Variants in SH3PXD2B observed in about 807,000 individuals in gnomAD.
SH3PXD2B encodes the protein SH3 and PX domains 2B, also known as SH3 and PX domain-containing protein 2B.
In SH3PXD2B, 37 loss-of-function variants were observed where a neutral mutation model predicts 73.1. The ratio of observed to expected loss-of-function variants is 0.51; its 90% confidence interval spans 0.39 to 0.67. The LOEUF is 0.67. Ranked by LOEUF, SH3PXD2B falls within the 30% of genes least tolerant of loss-of-function variation. SH3PXD2B has a pLI of 0.00. For synonymous variants in SH3PXD2B, 457 were observed against 480.5 expected (o/e 0.95, Z 0.64); for missense variants, 1,053 against 1,197.8 (o/e 0.88, Z 1.78).
Position 172,405,048 on chromosome 5 carries a change from T to G in SH3PXD2B, c.232+1229A>C, listed in dbSNP as rs146437485. Among the ~76,000 whole-genome samples, 192 of 152,346 alleles carry G rather than the reference T, an allele frequency of 1.3e-3. 1 individual carries two copies. The highest frequency in any genetic ancestry group is 2.4e-3 in the Non-Finnish European group (162 of 68,026). On this transcript the variant is annotated intron_variant, in intron 3 of 12. Coordinates refer to ENST00000311601, the MANE Select transcript of SH3PXD2B (RefSeq NM_001017995.3). ...AAAGCACTGAGTGACTGGCCCACAG[T>G]AGGGAGCTATTATTATACTTGAAGC...
intron 6 of SH3PXD2B, among the ~76,000 whole-genome samples, 176 bp downstream of exon 6, chr5:172,373,614 A>ATCCATCCATCCATCCG (rs1338980429): frequency 6.6e-6 from 1 of 151,712 alleles, no homozygotes; most frequent in Non-Finnish European, 1.5e-5. Flanking sequence ...CCATCCATCC[A>ATCCATCCATCCATCCG]TCCATCCCTC....
chr5:172,451,059 G>A (rs1759785365), intron 1 of SH3PXD2B, among the ~76,000 whole-genome samples: 1 of 152,226 alleles, frequency 6.6e-6, no homozygotes, highest in Non-Finnish European at 1.5e-5. Flanking sequence ...CTGGGCCCAT[G>A]GATGATGTCT....
intron 8 of SH3PXD2B, among the ~76,000 whole-genome samples, chr5:172,355,401 A>C (rs1185325304): frequency 2.0e-5 from 3 of 152,150 alleles, no homozygotes; most frequent in African/African-American, 7.2e-5. Flanking sequence ...GGAGGGAAGA[A>C]TCCAACCCCA....
Position 172,405,761 on chromosome 5 carries a change from G to A in SH3PXD2B, c.232+516C>T, listed in dbSNP as rs139045256. ...CCACAGACCTGTGAGGTAACACATG[G>A]GTGTTTTAAGCTATTAAATTGGTGG... On this transcript the variant is annotated intron_variant, in intron 3 of 12. Coordinates refer to ENST00000311601, the MANE Select transcript of SH3PXD2B (RefSeq NM_001017995.3). Among the ~76,000 whole-genome samples, 361 of 152,242 alleles carry A rather than the reference G, an allele frequency of 2.4e-3. 1 individual carries two copies. The highest frequency in any genetic ancestry group is 8.3e-3 in the African/African-American group (346 of 41,538).
At chr5:172,344,229 T>C (rs1056547260) in intron 12 of SH3PXD2B, among the ~76,000 whole-genome samples, 2 of 152,132 alleles carry the variant, frequency 1.3e-5, no homozygotes, top group Non-Finnish European at 2.9e-5. Context: ...GCTAAGATAA[T>C]GTTGCAATGA....
chr5:172,346,299 G>A (rs777165314), intron 11 of SH3PXD2B, 38 bp from the exon 12 acceptor site: 4 of 1,612,428 alleles, frequency 2.5e-6, no homozygotes, highest in Non-Finnish European at 3.4e-6. Flanking sequence ...CCAAGGCTAA[G>A]TGCACTCCTG....
chr5:172,404,355 T>TGAAGTGGTGCAATCTC (rs1758505224), intron 3 of SH3PXD2B, among the ~76,000 whole-genome samples: 1 of 152,122 alleles, frequency 6.6e-6, no homozygotes, highest in Non-Finnish European at 1.5e-5. Context: ...TCACCCAGGC[T>TGAAGTGGTGCAATCTC]GAAGTGGTGC....
At chr5:172,423,539 C>T (rs1262302417) in intron 1 of SH3PXD2B, among the ~76,000 whole-genome samples, 2 of 61,886 alleles carry the variant, frequency 3.2e-5, no homozygotes, top group East Asian at 1.1e-3. Context: ...CACTTGGATA[C>T]GGGGTTGGGG....
At position 172,338,760 on chromosome 5, in the gene SH3PXD2B, T is replaced by G. The variant is rs373458298; in HGVS notation, c.2345A>C (p.Gln782Pro). The change falls in exon 13 of 13, where the codon CAG becomes CCG. Residue 782 changes from glutamine to proline, a missense_variant. This residue lies in a region of SH3PXD2B where 587 missense variants were observed against 590.7 expected (regional missense o/e 0.99). Transcript: ENST00000311601. This position sits in a 1 kb window ranked among gnomAD's most constrained non-coding sequence, Gnocchi z 5.1. Reference sequence around the variant, plus strand: ...TGCCCTGCTTTCGTGGCCTTCACACTGTGGACCTCTGACCTCTGGGAGCGG... The same window carrying G: ...TGCCCTGCTTTCGTGGCCTTCACACGGTGGACCTCTGACCTCTGGGAGCGG... ...SRPLPEVRGP[Q>P]CEGHESRAAP... The G allele has an allele frequency of 6.2e-7, 1 of 1,614,072 alleles. No individual in the cohort carries two copies. The highest frequency in any genetic ancestry group is 1.3e-5 in the African/African-American group (1 of 74,924).
At chr5:172,452,774 C>T (rs563531716) in intron 1 of SH3PXD2B, among the ~76,000 whole-genome samples, 66 of 152,020 alleles carry the variant, frequency 4.3e-4, no homozygotes, top group African/African-American at 1.5e-3. Context: ...GCCAAAGAGG[C>T]AAACTCACTT....
chr5:172,348,657 A>G (rs370503139), intron 10 of SH3PXD2B, among the ~76,000 whole-genome samples: 8 of 37,426 alleles, frequency 2.1e-4, no homozygotes, highest in African/African-American at 6.4e-4. Flanking sequence ...TATCTATCCT[A>G]TCTATCTATC....
chr5:172,376,347 C>T (rs1483958235), intron 5 of SH3PXD2B, among the ~76,000 whole-genome samples: 2 of 152,098 alleles, frequency 1.3e-5, no homozygotes, highest in African/African-American at 4.8e-5. Flanking sequence ...TTCTTGATTA[C>T]AGCCATTCTA....
intron 7 of SH3PXD2B, among the ~76,000 whole-genome samples, chr5:172,361,165 CTGTGTA>C (rs1399476486): frequency 7.2e-5 from 11 of 151,802 alleles, no homozygotes; most frequent in Non-Finnish European, 1.3e-4. Context: ...GAATGAGTAC[CTGTGTA>C]TGTGTGAGTG....
In SH3PXD2B at chr5:172,339,728, C is replaced by T. The variant is rs150334817; in HGVS notation, c.1377G>A (p.Thr459=). 1.2e-5 allele frequency: 20 copies of T among 1,614,086 alleles called. No individual in the cohort carries two copies. Among genetic ancestry groups the T allele is most frequent in the African/African-American group, 9.3e-5 (7 of 75,068 alleles). Residue 459 remains threonine (T), a synonymous_variant, in exon 13 of 13, where the codon ACG becomes ACA. Transcript: ENST00000311601. This position sits in a 1 kb window ranked among gnomAD's most constrained non-coding sequence, Gnocchi z 6.1. ...GGGAGGGGCCCGTGGCTTCGCTGCC[C>T]GTGTTGTTCTCCAGCGCTGCTGCTT... ...LGEAAALENN[T]GSEATGPSRP...
intron 12 of SH3PXD2B, among the ~76,000 whole-genome samples, chr5:172,341,668 TGAGACA>T (rs1199201529): frequency 6.6e-6 from 1 of 152,202 alleles, no homozygotes; most frequent in Non-Finnish European, 1.5e-5. Flanking sequence ...TTTATTTTTT[TGAGACA>T]GAGTCTCGCT....
rs62621449 is a variant in SH3PXD2B, at chr5:172,339,562, C to T, written c.1543G>A (p.Asp515Asn). The T allele has an allele frequency of 1.7e-3, 2,779 of 1,614,182 alleles. 47 individuals are homozygous for T. In the African/African-American group the frequency reaches 0.032, roughly 19 times the overall value. The part of the protein sequence containing the change: ...SAGYEEISDP[D>N]MEEKPSLPPR... ...GGGAGGCTGGGCTTCTCCTCCATGT[C>T]GGGGTCTGAGATCTCCTCGTAGCCT... The change falls in exon 13 of 13, where the codon GAC becomes AAC. Residue 515 changes from aspartate (D) to asparagine (N), a missense_variant. Asp to Asn is a conservative substitution (Grantham distance 23, BLOSUM62 1). This residue lies in a region of SH3PXD2B where 587 missense variants were observed against 590.7 expected (regional missense o/e 0.99). Coordinates refer to ENST00000311601, the MANE Select transcript of SH3PXD2B (RefSeq NM_001017995.3). The surrounding 1 kb of genome is among the most constrained non-coding windows in gnomAD (Gnocchi z 6.1).
chr5:172,388,521 T>C (rs756846760), intron 4 of SH3PXD2B, among the ~76,000 whole-genome samples: 6 of 152,262 alleles, frequency 3.9e-5, no homozygotes, highest in African/African-American at 9.6e-5. Context: ...TCATTTAACA[T>C]AAGCAGTTCC....
Position 172,368,587 on chromosome 5 carries a change from TAAA to T in SH3PXD2B, c.427+5200_427+5202del, listed in dbSNP as rs1356692681. 7.0e-4 allele frequency among the ~76,000 whole-genome samples: 9 copies of T among 12,794 alleles called. 1 individual carries two copies. Among genetic ancestry groups the T allele is most frequent in the African/African-American group, 3.2e-3 (5 of 1,558 alleles). 8.4% of individuals were successfully genotyped at this position (12,794 alleles called of 152,430 possible). On this transcript the variant is annotated intron_variant, in intron 6 of 12. Transcript: ENST00000311601. ...ATATAAAATATGTTATATATATATA[TAAA>T]ATATGTTATATATATAATATATATG...
At chr5:172,442,734 T>C (rs1264433291) in intron 1 of SH3PXD2B, among the ~76,000 whole-genome samples, 2 of 152,170 alleles carry the variant, frequency 1.3e-5, no homozygotes, top group Non-Finnish European at 2.9e-5. Context: ...AAGATAATAA[T>C]AACAGGTAAT....
Sources: allele counts gnomAD v4.1 joint callset (sites outside exome capture counted in the v4.1 genomes callset), GRCh38; gene constraint gnomAD v4.1.1; regional missense constraint gnomAD v4.1.1; non-coding constraint Gnocchi (gnomAD v3.1); transcripts MANE v1.5; gene names NCBI Gene and HGNC (gene_info 2026-07-23, HGNC 2026-07-21).